TSPEAR: variants seen among roughly 807,000 people sequenced by gnomAD.
TSPEAR encodes the protein thrombospondin-type laminin G domain and EAR repeat-containing protein.
Under a neutral mutation model 71.6 loss-of-function variants are expected in TSPEAR, and 69 were observed. The ratio of observed to expected loss-of-function variants is 0.96; its 90% confidence interval spans 0.79 to 1.18. The LOEUF (loss-of-function observed/expected upper bound fraction) is 1.18. Ranked by LOEUF, TSPEAR falls within the 50% of genes most tolerant of loss-of-function variation. TSPEAR has a pLI of 0.00. For synonymous variants in TSPEAR, 402 were observed against 387.2 expected, an observed-to-expected ratio of 1.04 and a Z score of -0.45; for missense variants, 971 against 894.9, an observed-to-expected ratio of 1.09 and a Z score of -1.09.
At chr21:44,697,690 G>A (rs781816129) in intron 1 of TSPEAR, 2 of 1,612,698 alleles carry the variant, frequency 1.2e-6, no homozygotes, top group Non-Finnish European at 1.7e-6. Flanking sequence ...TCTGCTGTGT[G>A]CCTGTCTGCT....
At chr21:44,703,071 C>G (rs1427425682) in intron 1 of TSPEAR, among the ~76,000 whole-genome samples, 2 of 152,210 alleles carry the variant, frequency 1.3e-5, no homozygotes, top group African/African-American at 4.8e-5. Flanking sequence ...CCTGGCCCCC[C>G]CTGCCCTTCT....
At chr21:44,659,210 T>C (rs1389239443) in intron 1 of TSPEAR, among the ~76,000 whole-genome samples, 1 of 151,824 alleles carries the variant, frequency 6.6e-6, no homozygotes, top group African/African-American at 2.4e-5. Context: ...AGAGATCTCC[T>C]CTGAACGTCA....
chr21:44,581,886 T>C lies in TSPEAR; in HGVS notation c.83-13881A>G, dbSNP rs1416493475. Among the ~76,000 whole-genome samples the C allele has an allele frequency of 6.6e-5, 10 of 152,226 alleles. 1 individual carries two copies. Among genetic ancestry groups the C allele is most frequent in the African/African-American group, 1.2e-4 (5 of 41,468 alleles). On this transcript the variant is annotated intron_variant, in intron 1 of 11. Coordinates refer to ENST00000323084, the MANE Select transcript of TSPEAR (RefSeq NM_144991.3). ...TAAAAGACTATTTTATTCCAGGGCA[T>C]TGGGGTCCTGATCCAGTTTACATTC...
intron 1 of TSPEAR, among the ~76,000 whole-genome samples, chr21:44,668,079 C>G (rs1462256623): frequency 6.6e-6 from 1 of 152,052 alleles, no homozygotes; most frequent in Non-Finnish European, 1.5e-5. Flanking sequence ...AAGAAAGAAA[C>G]AAAAAGCATC....
chr21:44,689,846 G>T (rs1408492943), intron 1 of TSPEAR, among the ~76,000 whole-genome samples: 3 of 150,386 alleles, frequency 2.0e-5, no homozygotes, highest in African/African-American at 7.4e-5. Flanking sequence ...CAAAACTGAA[G>T]AACTTGGAGT....
intron 2 of TSPEAR, among the ~76,000 whole-genome samples, chr21:44,559,058 G>A (rs2053595861): frequency 6.6e-6 from 1 of 152,104 alleles, no homozygotes; most frequent in South Asian, 2.1e-4. Context: ...CAGGGACAGT[G>A]GCAGTTAGGA....
chr21:44,624,084 T>C (rs1982620612), intron 1 of TSPEAR, among the ~76,000 whole-genome samples: 1 of 152,220 alleles, frequency 6.6e-6, no homozygotes, highest in Non-Finnish European at 1.5e-5. Flanking sequence ...ACTACTCCAC[T>C]TTCTTCATTT....
intron 2 of TSPEAR, among the ~76,000 whole-genome samples, chr21:44,554,748 T>C (rs1159191920): frequency 6.6e-6 from 1 of 152,216 alleles, no homozygotes; most frequent in African/African-American, 2.4e-5. Flanking sequence ...TAAGATCTAT[T>C]GTTAAATTAA....
Position 44,612,796 on chromosome 21 carries a change from C to T in TSPEAR, c.83-44791G>A. On this transcript the variant is annotated intron_variant, in intron 1 of 11. Coordinates refer to ENST00000323084, the MANE Select transcript of TSPEAR (RefSeq NM_144991.3). This position sits in a 1 kb window ranked among gnomAD's most constrained non-coding sequence, Gnocchi z 4.1. ...CTGTCCCCTCCTGTTGTGTCCCTGC[C>T]TCCTCCTGCCAGCCCAGCTGCTGCC... 6.2e-7 allele frequency: 1 copy of T among 1,613,618 alleles called. No homozygotes were observed. The highest frequency in any genetic ancestry group is 1.1e-5 in the South Asian group (1 of 91,056).
At chr21:44,523,088 A>T (rs1555914478) in intron 8 of TSPEAR, among the ~76,000 whole-genome samples, 1 of 140,252 alleles carries the variant, frequency 7.1e-6, no homozygotes, top group East Asian at 1.9e-4. Flanking sequence ...TCAGTCAGTC[A>T]GCCAGCCAGC....
At chr21:44,677,037 G>T in intron 1 of TSPEAR, 1 of 831,366 alleles carries the variant, frequency 1.2e-6, no homozygotes, top group Non-Finnish European at 2.1e-6. Context: ...GTCGTTTAAA[G>T]TCATCCTGAG....
intron 1 of TSPEAR, among the ~76,000 whole-genome samples, chr21:44,672,448 T>C (rs1279501661): frequency 6.6e-6 from 1 of 152,090 alleles, no homozygotes; most frequent in Non-Finnish European, 1.5e-5. Flanking sequence ...CAGGTGCCTG[T>C]AGTCCCAGCT....
intron 1 of TSPEAR, among the ~76,000 whole-genome samples, chr21:44,606,886 G>C (rs587661349): frequency 1.3e-5 from 2 of 152,096 alleles, no homozygotes; most frequent in African/African-American, 4.8e-5. Flanking sequence ...AATGGGGAAG[G>C]GAGATGTTGA....
Position 44,522,054 on chromosome 21 carries a change from G to A in TSPEAR, c.1395C>T (p.Phe465=), listed in dbSNP as rs782576857. The A allele has an allele frequency of 9.9e-6, 16 of 1,614,148 alleles. No homozygotes were observed. The highest frequency in any genetic ancestry group is 1.2e-5 in the Non-Finnish European group (14 of 1,180,014). Residue 465 remains phenylalanine, a synonymous_variant, in exon 9 of 12, where the codon TTC becomes TTT. Transcript: ENST00000323084. The part of the protein sequence containing the change: ...IYKWNPATRL[F]EANQTIATSG... Reference sequence around the variant, plus strand: ...AGGTGGCGATGGTCTGGTTGGCCTCGAAGAGCCGGGTTGCCGGGTTCCACT... The same window carrying A: ...AGGTGGCGATGGTCTGGTTGGCCTCAAAGAGCCGGGTTGCCGGGTTCCACT...
At chr21:44,552,312 C>G (rs771468293) in intron 2 of TSPEAR, among the ~76,000 whole-genome samples, 3 of 152,104 alleles carry the variant, frequency 2.0e-5, no homozygotes, top group Non-Finnish European at 2.9e-5. Context: ...CAGGCCCTGA[C>G]CCCGGGGCAG....
At position 44,642,670 on chromosome 21, in the gene TSPEAR, C is replaced by T. The variant is rs1158245542; in HGVS notation, c.82+68763G>A. 4.6e-5 allele frequency among the ~76,000 whole-genome samples: 7 copies of T among 152,034 alleles called. No homozygotes were observed. Among genetic ancestry groups the T allele is most frequent in the African/African-American group, 1.4e-4 (6 of 41,398 alleles). Reference sequence around the variant, plus strand: ...CATCCTGGCTAACACGGTGAAACCCCGTCTCTACTAAAAATACAAAAATTG... The same window carrying T: ...CATCCTGGCTAACACGGTGAAACCCTGTCTCTACTAAAAATACAAAAATTG... On this transcript the variant is annotated intron_variant, in intron 1 of 11. Transcript: ENST00000323084. The surrounding 1 kb of genome is among the most constrained non-coding windows in gnomAD (Gnocchi z 4.1).
chr21:44,591,977 A>G (rs1979930971), intron 1 of TSPEAR: 1 of 1,600,064 alleles, frequency 6.2e-7, no homozygotes, highest in African/African-American at 1.4e-5. Context: ...CAGCACGAAG[A>G]GGAAATCCCA....
chr21:44,621,503 C>T (rs1343661929), intron 1 of TSPEAR, among the ~76,000 whole-genome samples: 1 of 152,234 alleles, frequency 6.6e-6, no homozygotes, highest in Admixed American at 6.5e-5. Context: ...AGGCTCCTTT[C>T]CTGGCCTATG....
Position 44,593,363 on chromosome 21 carries a change from G to A in TSPEAR, c.83-25358C>T, listed in dbSNP as rs1442132254. On this transcript the variant is annotated intron_variant, in intron 1 of 11. Transcript: ENST00000323084. The surrounding 1 kb of genome is among the most constrained non-coding windows in gnomAD (Gnocchi z 5.9). ...CCCTGTCTTCCAAGCCCTGTGCCAG[G>A]CCTCTTAGTGTCACCACCTTAAAAT... 1.3e-5 allele frequency among the ~76,000 whole-genome samples: 2 copies of A among 152,154 alleles called. No individual in the cohort carries two copies. The highest frequency in any genetic ancestry group is 6.5e-5 in the Admixed American group (1 of 15,286).
Sources: gnomAD v4.1 joint callset for allele counts (sites outside exome capture counted in the v4.1 genomes callset) on GRCh38, gnomAD v4.1.1 for gene constraint, Gnocchi (gnomAD v3.1) non-coding constraint, MANE v1.5 for transcripts, NCBI Gene and HGNC (gene_info 2026-07-23, HGNC 2026-07-21) for gene names.